Variants in FBXL7 observed in about 807,000 individuals in gnomAD.
The protein encoded by FBXL7 is F-box and leucine rich repeat protein 7.
A neutral mutation model predicts 38.3 loss-of-function variants in FBXL7; 12 were observed. That is an observed-to-expected ratio of 0.31 (90% CI 0.20 to 0.51). The LOEUF (loss-of-function observed/expected upper bound fraction) is 0.51, where lower values mean the gene tolerates loss of function less well. Ranked by LOEUF, FBXL7 falls within the 20% of genes least tolerant of loss-of-function variation. The pLI is 0.98. For missense variants in FBXL7, 567 were observed against 676.4 expected, an observed-to-expected ratio of 0.84 and a Z score of 1.79; for synonymous variants, 297 against 300.9, an observed-to-expected ratio of 0.99 and a Z score of 0.13.
At chr5:15,757,422 G>A (rs777189879) in intron 2 of FBXL7, among the ~76,000 whole-genome samples, 1 of 151,644 alleles carries the variant, frequency 6.6e-6, no homozygotes, top group Non-Finnish European at 1.5e-5. Context: ...GGAGGCTCTC[G>A]AACTTCAGAT....
intron 2 of FBXL7, among the ~76,000 whole-genome samples, chr5:15,624,674 C>G (rs1048826389): frequency 6.6e-5 from 10 of 152,168 alleles, no homozygotes; most frequent in South Asian, 2.1e-4. Flanking sequence ...GCCAAAGATT[C>G]ATCTGATGAA....
At chr5:15,862,279 ATTC>A (rs1490142527) in intron 2 of FBXL7, among the ~76,000 whole-genome samples, 1 of 152,086 alleles carries the variant, frequency 6.6e-6, no homozygotes, top group East Asian at 1.9e-4. Context: ...CTTGGCTCTC[ATTC>A]TTCTCTTGTC....
chr5:15,823,999 C>T (rs149362167), intron 2 of FBXL7, among the ~76,000 whole-genome samples: 6 of 152,124 alleles, frequency 3.9e-5, no homozygotes, highest in Non-Finnish European at 5.9e-5. Context: ...CCATTTTAGC[C>T]GGGCACAGTG....
Position 15,687,947 on chromosome 5 carries a change from T to C in FBXL7, c.127+71875T>C, listed in dbSNP as rs182128754. Among the ~76,000 whole-genome samples the C allele has an allele frequency of 2.5e-4, 38 of 152,340 alleles. No individual in the cohort carries two copies. In the East Asian group the frequency reaches 2.5e-3, roughly 10 times the overall value. ...TATCTCAGTCACATCATGGTGGCCA[T>C]GTTGCTTGTGATGTAACAGGCAGCG... is the stretch of plus-strand genomic sequence containing the variant. On this transcript the variant is annotated intron_variant, in intron 2 of 3. Transcript: ENST00000504595.
intron 2 of FBXL7, among the ~76,000 whole-genome samples, chr5:15,641,271 C>T (rs1741361365): frequency 3.9e-5 from 6 of 152,194 alleles, no homozygotes; most frequent in Admixed American, 3.9e-4. Context: ...TGAATGCTTA[C>T]CCTACAGTTG....
intron 2 of FBXL7, among the ~76,000 whole-genome samples, chr5:15,876,069 G>T (rs1235837649): frequency 1.3e-5 from 2 of 152,316 alleles, no homozygotes; most frequent in Non-Finnish European, 2.9e-5. Flanking sequence ...ATAATATGCA[G>T]CCATAAAACA....
At chr5:15,634,031 T>G (rs945142621) in intron 2 of FBXL7, among the ~76,000 whole-genome samples, 34 of 151,972 alleles carry the variant, frequency 2.2e-4, no homozygotes, top group Non-Finnish European at 2.4e-4. Context: ...TCCACCTGCC[T>G]CAGCCTCCCA....
chr5:15,800,383 GT>G (rs1331741191), intron 2 of FBXL7, among the ~76,000 whole-genome samples: 3 of 152,256 alleles, frequency 2.0e-5, no homozygotes, highest in African/African-American at 7.2e-5. Context: ...CCTATCGCAC[GT>G]TCTGTCTTCA....
intron 2 of FBXL7, among the ~76,000 whole-genome samples, chr5:15,703,294 A>T (rs1166187332): frequency 3.6e-4 from 55 of 152,208 alleles, no homozygotes; most frequent in Non-Finnish European, 2.9e-5. Flanking sequence ...TTGTAAACTG[A>T]GGTTACAATG....
chr5:15,521,765 C>T lies in FBXL7; in HGVS notation c.37+21052C>T, dbSNP rs575144055. Among the ~76,000 whole-genome samples, 29 of 152,310 alleles carry T rather than the reference C, an allele frequency of 1.9e-4. No homozygotes were observed. In the South Asian group the frequency reaches 6.0e-3, roughly 32 times the overall value. On this transcript the variant is annotated intron_variant, in intron 1 of 3. Coordinates refer to ENST00000504595, the MANE Select transcript of FBXL7 (RefSeq NM_012304.5). ...AAGGATAAAGAAACTCTCAAATTCC[C>T]TTGAAAGAATGTGCCTCTTCTCCTG...
intron 2 of FBXL7, among the ~76,000 whole-genome samples, chr5:15,738,492 G>T (rs1206281118): frequency 6.6e-6 from 1 of 152,122 alleles, no homozygotes; most frequent in East Asian, 1.9e-4. Context: ...TTATCTACTG[G>T]AGGGTGGGAA....
In FBXL7 at chr5:15,556,558, C is replaced by T. The variant is rs181279475; in HGVS notation, c.37+55845C>T. Among the ~76,000 whole-genome samples the T allele has an allele frequency of 2.7e-3, 418 of 152,162 alleles. 5 individuals are homozygous for T. The highest frequency in any genetic ancestry group is 9.5e-3 in the African/African-American group (394 of 41,516). ...GTTGACCATAGAATTAACCATAACACGAGGTTTGGGATGAATCCCAAATAG... is the reference window on the plus strand; with the variant it reads ...GTTGACCATAGAATTAACCATAACATGAGGTTTGGGATGAATCCCAAATAG... On this transcript the variant is annotated intron_variant, in intron 1 of 3. Transcript: ENST00000504595.
chr5:15,844,364 G>C (rs757228501), intron 2 of FBXL7, among the ~76,000 whole-genome samples: 4 of 152,150 alleles, frequency 2.6e-5, no homozygotes, highest in Non-Finnish European at 5.9e-5. Flanking sequence ...ACTGTGAGAG[G>C]AGTTGGGCTT....
chr5:15,601,233 A>C (rs368766140), intron 1 of FBXL7, among the ~76,000 whole-genome samples: 10 of 152,314 alleles, frequency 6.6e-5, no homozygotes, highest in African/African-American at 2.4e-4. Context: ...CTTTTATTAT[A>C]CATCCAGATT....
At chr5:15,570,001 A>C (rs1462031188) in intron 1 of FBXL7, among the ~76,000 whole-genome samples, 5 of 152,288 alleles carry the variant, frequency 3.3e-5, no homozygotes, top group Admixed American at 1.3e-4. Flanking sequence ...CCAGTATTTT[A>C]TTGAGGATTT....
At chr5:15,653,813 T>G (rs868632455) in intron 2 of FBXL7, among the ~76,000 whole-genome samples, 5 of 152,234 alleles carry the variant, frequency 3.3e-5, no homozygotes, top group Non-Finnish European at 5.9e-5. Context: ...TGCATTTATC[T>G]ACAGTAATCT....
chr5:15,652,595 G>C (rs970179902), intron 2 of FBXL7, among the ~76,000 whole-genome samples: 2 of 152,146 alleles, frequency 1.3e-5, no homozygotes, highest in African/African-American at 4.8e-5. Flanking sequence ...TTACAACTTG[G>C]CTAACAGGAG....
intron 1 of FBXL7, among the ~76,000 whole-genome samples, chr5:15,517,019 ATTTTTAT>A (rs566889591): frequency 1.3e-5 from 2 of 151,504 alleles, no homozygotes; most frequent in Non-Finnish European, 2.9e-5. Flanking sequence ...TTTTATTTTT[ATTTTTAT>A]TTTTTATTTT....
intron 2 of FBXL7, among the ~76,000 whole-genome samples, chr5:15,753,035 T>A (rs1197751226): frequency 6.6e-6 from 1 of 152,182 alleles, no homozygotes; most frequent in East Asian, 1.9e-4. Context: ...TTTTCGCCGC[T>A]GCAATTCAAG....
Sources: gnomAD v4.1 joint callset for allele counts (sites outside exome capture counted in the v4.1 genomes callset) on GRCh38, gnomAD v4.1.1 for gene constraint, MANE v1.5 for transcripts, NCBI Gene and HGNC (gene_info 2026-07-23, HGNC 2026-07-21) for gene names.